PTPN21: variants seen among roughly 807,000 people sequenced by gnomAD.
PTPN21 encodes protein tyrosine phosphatase non-receptor type 21.
Under a neutral mutation model 131.8 loss-of-function variants are expected in PTPN21, and 77 were observed. That is an observed-to-expected ratio of 0.58 (90% CI 0.49 to 0.71). PTPN21 has a LOEUF of 0.71. PTPN21 is among the 30% of genes least tolerant of loss of function. The pLI, the probability that PTPN21 is intolerant of heterozygous loss-of-function variation, is 0.00. For synonymous variants in PTPN21, 715 were observed against 621.3 expected (o/e 1.15, Z -2.24); for missense variants, 1,552 against 1,527.1 (o/e 1.02, Z -0.27).
chr14:88,475,656 T>G (rs1321209969), intron 13 of PTPN21, among the ~76,000 whole-genome samples: 2 of 152,244 alleles, frequency 1.3e-5, no homozygotes, highest in African/African-American at 2.4e-5. Context: ...GAAGGAAGTT[T>G]TGATCGGTGT....
At position 88,480,347 on chromosome 14, in the gene PTPN21, G is replaced by A. The variant is rs113966650; in HGVS notation, c.1084C>T (p.Leu362Phe). ...TATCCGTTCTGGTTGGGCACAAAGA[G>A]GTTATCTAGAAAAAATGAGTTCAAA... The part of the protein sequence containing the change: ...TEPYASSQDN[L>F]FVPNQNGYYC... Residue 362 changes from leucine (L) to phenylalanine (F), a missense_variant, in exon 13 of 19, where the codon CTC becomes TTC. Leu to Phe is a conservative substitution (Grantham distance 22, BLOSUM62 0). Coordinates refer to ENST00000556564, the MANE Select transcript of PTPN21 (RefSeq NM_007039.4). 3.7e-6 allele frequency: 6 copies of A among 1,602,246 alleles called. No individual in the cohort carries two copies. In the African/African-American group the frequency reaches 6.7e-5, roughly 18 times the overall value.
intron 2 of PTPN21, among the ~76,000 whole-genome samples, 161 bp downstream of exon 2, chr14:88,550,077 C>T (rs1006629278): frequency 3.9e-5 from 6 of 152,028 alleles, no homozygotes; most frequent in African/African-American, 1.4e-4. Flanking sequence ...AGCCACTGCG[C>T]CCGGCCTTGT....
intron 6 of PTPN21, 115 bp downstream of exon 6, chr14:88,504,309 CA>C: frequency 1.2e-6 from 1 of 850,352 alleles, no homozygotes. Flanking sequence ...AGTAATGTTC[CA>C]AATTTAGTTG....
intron 2 of PTPN21, chr14:88,547,530 T>C (rs1219429144): frequency 8.2e-6 from 3 of 366,394 alleles, no homozygotes; most frequent in East Asian, 8.8e-5. Flanking sequence ...GGAGTGTACC[T>C]GTAGTCCCAG....
chr14:88,470,122 G>T, intron 15 of PTPN21, 72 bp from the exon 16 acceptor site: 1 of 1,465,650 alleles, frequency 6.8e-7, no homozygotes, highest in Non-Finnish European at 9.3e-7. Context: ...ATGCATTCAT[G>T]GTAGTACTAA....
chr14:88,518,380 GTGTGTGTATATATA>G (rs1268589552), intron 2 of PTPN21, among the ~76,000 whole-genome samples: 209 of 14,482 alleles, frequency 0.014, 8 homozygotes, highest in African/African-American at 0.047. Context: ...GTGTATGTGT[GTGTGTGTATATATA>G]TATATATATA....
At chr14:88,540,419 A>G (rs201544113) in intron 2 of PTPN21, among the ~76,000 whole-genome samples, 1 of 152,222 alleles carries the variant, frequency 6.6e-6, no homozygotes, top group East Asian at 1.9e-4. Flanking sequence ...TATCACATAC[A>G]AAAGAAACAA....
chr14:88,474,501 A>G (rs570905121), intron 13 of PTPN21, among the ~76,000 whole-genome samples: 1 of 152,222 alleles, frequency 6.6e-6, no homozygotes, highest in East Asian at 1.9e-4. Context: ...ATAATTTTTA[A>G]AATATATAAA....
chr14:88,495,122 A>T (rs1203594238), intron 10 of PTPN21, among the ~76,000 whole-genome samples: 1 of 151,822 alleles, frequency 6.6e-6, no homozygotes, highest in Non-Finnish European at 1.5e-5. Context: ...ACAGGCAGCG[A>T]AGGCACAGAA....
At position 88,479,210 on chromosome 14, in the gene PTPN21, G is replaced by C. The variant is rs201045212; in HGVS notation, c.2221C>G (p.Gln741Glu). ...ACGCGAGGGCAGCCAGGTGGGTCCT[G>C]GGCCAGGCCGGGCCGAGGCTCGCGC... ...RAREPRPGLA[Q>E]DPPGCPRVLL... is the part of the protein sequence containing the mutation. The change falls in exon 13 of 19, where the codon CAG (glutamine) becomes GAG (glutamate). Residue 741 changes from glutamine to glutamate, a missense_variant. Physicochemically the swap from Gln to Glu is conservative, Grantham distance 29. Coordinates refer to ENST00000556564, the MANE Select transcript of PTPN21 (RefSeq NM_007039.4). 3.8e-6 allele frequency: 6 copies of C among 1,594,336 alleles called. No individual in the cohort carries two copies. In the East Asian group the frequency reaches 1.3e-4, roughly 36 times the overall value.
At chr14:88,541,039 C>T (rs1422436784) in intron 2 of PTPN21, among the ~76,000 whole-genome samples, 1 of 151,282 alleles carries the variant, frequency 6.6e-6, no homozygotes, top group African/African-American at 2.4e-5. Flanking sequence ...CCTGAGTAGG[C>T]AAAATAAGTC....
intron 2 of PTPN21, among the ~76,000 whole-genome samples, chr14:88,541,018 T>C (rs973959642): frequency 2.0e-5 from 3 of 152,204 alleles, no homozygotes; most frequent in Non-Finnish European, 2.9e-5. Flanking sequence ...ATTACCCGTA[T>C]ATTTTCTTAG....
At chr14:88,477,157 T>C (rs186274905) in intron 13 of PTPN21, among the ~76,000 whole-genome samples, 515 of 151,272 alleles carry the variant, frequency 3.4e-3, no homozygotes, top group Non-Finnish European at 5.1e-3. Context: ...CCCTACACTC[T>C]TAAATCTGTG....
At chr14:88,517,850 G>T (rs2078304252) in intron 2 of PTPN21, among the ~76,000 whole-genome samples, 2 of 142,628 alleles carry the variant, frequency 1.4e-5, no homozygotes, top group Admixed American at 7.1e-5. Flanking sequence ...CTATATATAT[G>T]GTATATATAT....
intron 2 of PTPN21, among the ~76,000 whole-genome samples, chr14:88,519,002 C>T (rs1048486079): frequency 6.6e-6 from 1 of 151,994 alleles, no homozygotes; most frequent in South Asian, 2.1e-4. Flanking sequence ...CACACACACA[C>T]ACACACACAG....
Position 88,518,273 on chromosome 14 carries a change from T to TATAC in PTPN21, c.181-1013_181-1012insGTAT, listed in dbSNP as rs763756368. Among the ~76,000 whole-genome samples the TATAC allele has an allele frequency of 2.3e-3, 159 of 68,182 alleles. 1 individual carries two copies. The highest frequency in any genetic ancestry group is 7.8e-3 in the East Asian group (17 of 2,184). The allele number at this position is 68,182 out of a possible 152,430, so 44.7% of individuals were successfully genotyped here. The stretch of plus-strand genomic sequence containing the variant: ...AAAAAAAAATATATATATATATATA[T>TATAC]ACACACACACATACGCACACACACA... On this transcript the variant is annotated intron_variant, in intron 2 of 18. Coordinates refer to ENST00000556564, the MANE Select transcript of PTPN21 (RefSeq NM_007039.4).
intron 2 of PTPN21, among the ~76,000 whole-genome samples, chr14:88,521,466 G>T (rs971138723): frequency 2.0e-5 from 3 of 151,288 alleles, no homozygotes; most frequent in African/African-American, 7.3e-5. Context: ...GCAATGGTGT[G>T]ATCTCAGCTC....
Position 88,554,952 on chromosome 14 carries a change from C to T in PTPN21, c.-504G>A, listed in dbSNP as rs976618472. On this transcript the variant is annotated 5_prime_UTR_variant, in exon 1 of 19. Coordinates refer to ENST00000556564, the MANE Select transcript of PTPN21 (RefSeq NM_007039.4). ...GGGGGTGGCAGGAGGACGGACAGAC[C>T]GTCGGACCGACGCGGGACGCGCGGC... 2.0e-5 allele frequency among the ~76,000 whole-genome samples: 3 copies of T among 151,740 alleles called. No homozygotes were observed. Among genetic ancestry groups the T allele is most frequent in the South Asian group, 2.1e-4 (1 of 4,824 alleles).
intron 5 of PTPN21, 53 bp downstream of exon 5, chr14:88,505,251 G>T: frequency 7.5e-7 from 1 of 1,334,432 alleles, no homozygotes; most frequent in Non-Finnish European, 1.1e-6. Flanking sequence ...ATTATTAAGG[G>T]TATAGGAATA....
Sources: allele counts gnomAD v4.1 joint callset (sites outside exome capture counted in the v4.1 genomes callset), GRCh38; gene constraint gnomAD v4.1.1; transcripts MANE v1.5; gene names NCBI Gene and HGNC (gene_info 2026-07-23, HGNC 2026-07-21).